ACTR3C: variants seen among roughly 807,000 people sequenced by gnomAD.
ACTR3C encodes the protein actin related protein 3C.
A neutral mutation model predicts 26.3 loss-of-function variants in ACTR3C; 18 were observed. The observed-to-expected ratio is 0.68, with a 90% CI of 0.47 to 1.01. ACTR3C has a LOEUF of 1.01. Among genes scored for constraint, ACTR3C ranks in the 50% least tolerant of loss-of-function variants. The probability of loss-of-function intolerance (pLI) is 0.00; values close to 1 mark genes in which losing one functional copy is unlikely to be tolerated. For synonymous variants in ACTR3C, 55 were observed against 94.5 expected, an observed-to-expected ratio of 0.58 and a Z score of 2.42; for missense variants, 184 against 250.7, an observed-to-expected ratio of 0.73 and a Z score of 1.80.
the ACTR3C span, among the ~76,000 whole-genome samples, chr7:150,114,048 A>C: frequency 6.6e-6 from 1 of 152,208 alleles, no homozygotes; most frequent in African/African-American, 2.4e-5. Flanking sequence ...ATAAGAAGTC[A>C]ACAGTATTTC....
chr7:150,035,034 T>C, the ACTR3C span, among the ~76,000 whole-genome samples: 3 of 139,558 alleles, frequency 2.1e-5, no homozygotes, highest in African/African-American at 8.0e-5. Context: ...GAAGAGGGAC[T>C]GGCTCTCAGT....
At chr7:150,007,292 TGGA>T in the ACTR3C span, among the ~76,000 whole-genome samples, 1 of 152,088 alleles carries the variant, frequency 6.6e-6, no homozygotes, top group Non-Finnish European at 1.5e-5. Flanking sequence ...GGCATAGAAA[TGGA>T]GGAGAAGAAA....
chr7:150,012,317 CTTTT>C, the ACTR3C span, among the ~76,000 whole-genome samples: 1 of 131,250 alleles, frequency 7.6e-6, no homozygotes. Context: ...ATAAATGCAT[CTTTT>C]TTTTTTTTTT....
At chr7:150,183,209 G>T in the ACTR3C span, among the ~76,000 whole-genome samples, 7 of 150,062 alleles carry the variant, frequency 4.7e-5, no homozygotes, top group African/African-American at 1.5e-4. Context: ...AAGCTAAATG[G>T]CAAACCAAGA....
chr7:150,159,996 TG>T, the ACTR3C span, among the ~76,000 whole-genome samples: 2 of 152,274 alleles, frequency 1.3e-5, no homozygotes, highest in East Asian at 3.9e-4. Context: ...GGTTTCACCA[TG>T]TTGGCCAGGC....
the ACTR3C span, among the ~76,000 whole-genome samples, chr7:150,144,040 C>T: frequency 1.4e-4 from 21 of 152,208 alleles, no homozygotes; most frequent in African/African-American, 5.1e-4. This position sits in a 1 kb window ranked among gnomAD's most constrained non-coding sequence, Gnocchi z 4.6. Context: ...CATACATTTT[C>T]ACTGAAATCC....
At chr7:150,313,595 C>G (rs1796520909) in intron 1 of ACTR3C, among the ~76,000 whole-genome samples, 1 of 152,148 alleles carries the variant, frequency 6.6e-6, no homozygotes, top group African/African-American at 2.4e-5. Context: ...GAGGGGGGTA[C>G]AGTGAGGCAT....
the ACTR3C span, among the ~76,000 whole-genome samples, chr7:149,902,562 C>A: frequency 5.0e-5 from 1 of 19,984 alleles, no homozygotes; most frequent in South Asian, 0.026. Context: ...TTGAGACCAG[C>A]CTGGGCAACA....
At chr7:150,115,543 C>T in the ACTR3C span, among the ~76,000 whole-genome samples, 1 of 152,170 alleles carries the variant, frequency 6.6e-6, no homozygotes, top group Non-Finnish European at 1.5e-5. Context: ...CCTCTTGATT[C>T]CTCTCCCTCC....
chr7:150,203,567 G>T, the ACTR3C span, among the ~76,000 whole-genome samples: 1 of 151,510 alleles, frequency 6.6e-6, no homozygotes, highest in East Asian at 1.9e-4. Context: ...GTTTTTTTCT[G>T]TTTTTTTTGT....
At chr7:149,979,143 A>T in the ACTR3C span, among the ~76,000 whole-genome samples, 1 of 152,214 alleles carries the variant, frequency 6.6e-6, no homozygotes, top group Non-Finnish European at 1.5e-5. Context: ...CAGTTAATTT[A>T]CACTCATTAA....
the ACTR3C span, chr7:150,000,791 G>A: frequency 1.0e-4 from 14 of 138,778 alleles, no homozygotes; most frequent in African/African-American, 3.6e-4. Context: ...TGGGAGAGAA[G>A]CAGAAATCCA....
the ACTR3C span, among the ~76,000 whole-genome samples, chr7:150,155,595 C>T: frequency 6.6e-6 from 1 of 150,660 alleles, no homozygotes; most frequent in Non-Finnish European, 1.5e-5. Context: ...AATTGAGACT[C>T]ATGGTCTCAA....
chr7:149,897,935 G>T, the ACTR3C span, among the ~76,000 whole-genome samples: 15 of 152,082 alleles, frequency 9.9e-5, no homozygotes, highest in Non-Finnish European at 2.1e-4. Flanking sequence ...GCATCTTGAG[G>T]TAACAGGATA....
chr7:150,001,842 A>G, the ACTR3C span: 1 of 151,606 alleles, frequency 6.6e-6, no homozygotes, highest in Non-Finnish European at 1.5e-5. Context: ...ATGGCCAGGA[A>G]GTCCCAGGAA....
the ACTR3C span, among the ~76,000 whole-genome samples, chr7:149,948,062 C>G: frequency 1.0e-4 from 15 of 145,206 alleles, no homozygotes; most frequent in African/African-American, 3.9e-4. Flanking sequence ...CCAGAAGCAG[C>G]CCCTGCTTCA....
chr7:150,120,888 A>G, the ACTR3C span, among the ~76,000 whole-genome samples: 1 of 152,216 alleles, frequency 6.6e-6, no homozygotes, highest in Non-Finnish European at 1.5e-5. Context: ...CTTATCCACC[A>G]TGATCAACTC....
At chr7:150,026,599 A>G in the ACTR3C span, among the ~76,000 whole-genome samples, 2 of 152,004 alleles carry the variant, frequency 1.3e-5, no homozygotes, top group Non-Finnish European at 2.9e-5. Flanking sequence ...TAACCAAATG[A>G]TGTGAAGAAT....
the ACTR3C span, among the ~76,000 whole-genome samples, chr7:150,023,514 T>C: frequency 2.2e-4 from 33 of 151,854 alleles, 1 homozygote; most frequent in African/African-American, 6.8e-4. Flanking sequence ...TTTGTATTTT[T>C]AGTAGAGATG....
Sources: allele counts gnomAD v4.1 joint callset (sites outside exome capture counted in the v4.1 genomes callset), GRCh38; gene constraint gnomAD v4.1.1; non-coding constraint Gnocchi (gnomAD v3.1); transcripts MANE v1.5; gene names NCBI Gene and HGNC (gene_info 2026-07-23, HGNC 2026-07-21).